The following RGS22 variants were observed in gnomAD, a reference collection of about 807,000 sequenced individuals.
RGS22 encodes regulator of G protein signaling 22, also known as regulator of G-protein signaling 22.
In RGS22, 148 loss-of-function variants were observed where a neutral mutation model predicts 172.9. That is an observed-to-expected ratio of 0.86 (90% CI 0.75 to 0.98). The LOEUF (loss-of-function observed/expected upper bound fraction) is 0.98. RGS22 is among the 50% of genes least tolerant of loss of function. The pLI is 0.00. For missense variants in RGS22, 1,347 were observed against 1,440.8 expected (o/e 0.93, Z 1.05); for synonymous variants, 458 against 480.2 (o/e 0.95, Z 0.60).
intron 14 of RGS22, among the ~76,000 whole-genome samples, chr8:100,028,955 C>A (rs909009483): frequency 2.0e-5 from 3 of 152,136 alleles, no homozygotes; most frequent in Non-Finnish European, 4.4e-5. Flanking sequence ...CATAAGATAG[C>A]AATGCCTGTC....
intron 9 of RGS22, among the ~76,000 whole-genome samples, chr8:100,057,428 G>A (rs541625411): frequency 6.6e-6 from 1 of 152,238 alleles, no homozygotes; most frequent in South Asian, 2.1e-4. Flanking sequence ...AGGGGCCAGG[G>A]GAGGAATGAT....
At position 100,062,483 on chromosome 8, in the gene RGS22, C is replaced by T. The variant is rs899632737; in HGVS notation, c.1514+108G>A. ...TAAAGAAGGCCAAAGATACAATAGT[C>T]TTGTCATTTTATGTTTCCATAAGTT... On this transcript the variant is annotated intron_variant, in intron 9 of 27. Transcript: ENST00000360863. 4.2e-6 allele frequency: 3 copies of T among 712,988 alleles called. No individual in the cohort carries two copies. In the African/African-American group the frequency reaches 5.5e-5, roughly 13 times the overall value. The allele number at this position is 712,988 out of a possible 1,614,324, so 44.2% of individuals were successfully genotyped here.
chr8:100,012,611 A>G (rs1000662379), intron 14 of RGS22, among the ~76,000 whole-genome samples: 3 of 151,964 alleles, frequency 2.0e-5, no homozygotes, highest in Non-Finnish European at 2.9e-5. Flanking sequence ...GAGAGAGAGA[A>G]AGAAAAGAAA....
chr8:100,041,907 G>T lies in RGS22; in HGVS notation c.1833C>A (p.Tyr611Ter), dbSNP rs1281124201. 1 of 1,602,882 alleles carries T rather than the reference G, an allele frequency of 6.2e-7. No individual in the cohort carries two copies. The highest frequency in any genetic ancestry group is 1.1e-5 in the South Asian group (1 of 90,716). ...KDDVIEKGSK[Y>*]MSESSKVIHL... ...GAATGACTTTGCTGCTTTCTGACAT[G>T]TACTTTGACCTAAATTATAAGGATG... Residue 611 changes from tyrosine to a stop codon, truncating the protein, a stop_gained, in exon 12 of 28, where the codon TAC (tyrosine) becomes TAA (stop). Coordinates refer to ENST00000360863, the MANE Select transcript of RGS22 (RefSeq NM_015668.5). LOFTEE classifies it high-confidence loss of function.
chr8:99,965,656 T>C (rs1810654289), intron 23 of RGS22, among the ~76,000 whole-genome samples: 1 of 152,118 alleles, frequency 6.6e-6, no homozygotes, highest in South Asian at 2.1e-4. Flanking sequence ...AGAGAAATGA[T>C]TAAGTTGAAT....
intron 20 of RGS22, among the ~76,000 whole-genome samples, chr8:99,991,884 C>T (rs964412205): frequency 4.6e-5 from 7 of 152,130 alleles, no homozygotes; most frequent in African/African-American, 1.7e-4. Flanking sequence ...GAGTTACCCA[C>T]AAAGGGAGGC....
In RGS22 at chr8:100,053,083, T is replaced by C. The variant is rs78491925; in HGVS notation, c.1515-107A>G. Reference sequence around the variant, plus strand: ...GTGCTCACAATTAACAGTCTTGCCATACCTCTTTTCTAACAACTTTTACTT... The same window carrying C: ...GTGCTCACAATTAACAGTCTTGCCACACCTCTTTTCTAACAACTTTTACTT... On this transcript the variant is annotated intron_variant, in intron 9 of 27. Transcript: ENST00000360863. The C allele has an allele frequency of 1.8e-3, 1,857 of 1,004,652 alleles. 38 individuals are homozygous for C. In the East Asian group the frequency reaches 0.042, roughly 23 times the overall value. 62.2% of individuals were successfully genotyped at this position (1,004,652 alleles called of 1,614,324 possible).
chr8:100,006,236 T>C, intron 15 of RGS22, 127 bp from the exon 16 acceptor site: 3 of 727,010 alleles, frequency 4.1e-6, no homozygotes, highest in Non-Finnish European at 6.6e-6. Context: ...GAAGATAACA[T>C]AGTTTAAAAG....
intron 6 of RGS22, among the ~76,000 whole-genome samples, chr8:100,067,026 T>C (rs1563693675): frequency 6.6e-6 from 1 of 152,188 alleles, no homozygotes; most frequent in Non-Finnish European, 1.5e-5. Flanking sequence ...TGCCTCTCTC[T>C]GTAATGTCCT....
chr8:100,008,519 G>T lies in RGS22; in HGVS notation c.2217C>A (p.Leu739=). 3 of 1,612,660 alleles carry T rather than the reference G, an allele frequency of 1.9e-6. No homozygotes were observed. Among genetic ancestry groups the T allele is most frequent in the Non-Finnish European group, 2.5e-6 (3 of 1,179,706 alleles). Residue 739 remains leucine, a synonymous_variant, in exon 15 of 28, where the codon CTC becomes CTA. Transcript: ENST00000360863. ...VAPSATLDIG[L]QQEKKKEIYM... Reference sequence around the variant, plus strand: ...AAATTTCTTTTTTCTTTTCCTGTTGGAGTCCAATGTCAAGAGTGGCAGAAG... The same window carrying T: ...AAATTTCTTTTTTCTTTTCCTGTTGTAGTCCAATGTCAAGAGTGGCAGAAG...
intron 21 of RGS22, among the ~76,000 whole-genome samples, chr8:99,985,006 A>G (rs1812936184): frequency 6.6e-6 from 1 of 152,100 alleles, no homozygotes; most frequent in Non-Finnish European, 1.5e-5. Context: ...GTTCTTTCCA[A>G]CTTTTCACAA....
chr8:99,999,395 C>G lies in RGS22; in HGVS notation c.2816G>C (p.Gly939Ala). ...NQVMHLSGGW[G>A]KILHEQLDAP... The stretch of plus-strand genomic sequence containing the variant: ...ATCAAGCTGCTCATGAAGAATCTTC[C>G]CCCAGCCACCACTTAAATGCATTAC... The change falls in exon 19 of 28, where the codon GGG (glycine) becomes GCG (alanine). Residue 939 changes from glycine (G) to alanine (A), a missense_variant. Gly to Ala is a moderately conservative substitution (Grantham distance 60, BLOSUM62 0). Coordinates refer to ENST00000360863, the MANE Select transcript of RGS22 (RefSeq NM_015668.5). The G allele has an allele frequency of 6.2e-7, 1 of 1,613,744 alleles. No individual in the cohort carries two copies. The highest frequency in any genetic ancestry group is 1.7e-5 in the Admixed American group (1 of 59,934).
rs552731860 is a variant in RGS22, at chr8:100,047,194, C to CA, written c.1823+268dup. Among the ~76,000 whole-genome samples the CA allele has an allele frequency of 3.6e-4, 54 of 151,782 alleles. 2 individuals are homozygous for CA. In the South Asian group the frequency reaches 0.011, roughly 32 times the overall value. On this transcript the variant is annotated intron_variant, in intron 11 of 27. Transcript: ENST00000360863. ...GAAATATAGAATTATTGAATAGAGC[C>CA]AAAAAAGAATTAGAGGGCAATCTTC...
At chr8:99,975,239 T>G (rs1811806751) in intron 23 of RGS22, among the ~76,000 whole-genome samples, 1 of 152,128 alleles carries the variant, frequency 6.6e-6, no homozygotes, top group Non-Finnish European at 1.5e-5. Context: ...TGGTATTAGA[T>G]TAGAAACTTG....
At chr8:100,011,000 C>T (rs1816320412) in intron 14 of RGS22, among the ~76,000 whole-genome samples, 1 of 151,572 alleles carries the variant, frequency 6.6e-6, no homozygotes, top group Middle Eastern at 3.4e-3. Flanking sequence ...TCAATAATCG[C>T]ACAATAGAGG....
intron 3 of RGS22, among the ~76,000 whole-genome samples, chr8:100,087,932 G>T (rs1237026397): frequency 1.3e-5 from 2 of 152,138 alleles, no homozygotes; most frequent in East Asian, 1.9e-4. Context: ...CTGTATTTTT[G>T]AGCTACAAGT....
At chr8:100,079,189 C>T (rs554351210) in intron 4 of RGS22, among the ~76,000 whole-genome samples, 1 of 152,254 alleles carries the variant, frequency 6.6e-6, no homozygotes, top group East Asian at 1.9e-4. Context: ...TAAACATTGT[C>T]CCACCTAGTA....
chr8:99,984,925 A>G (rs1031086659), intron 21 of RGS22, among the ~76,000 whole-genome samples: 20 of 152,172 alleles, frequency 1.3e-4, no homozygotes, highest in African/African-American at 4.8e-4. Context: ...GAACATTTTT[A>G]ACGGCTAGAG....
chr8:99,981,125 CT>C (rs1361328815), intron 22 of RGS22, among the ~76,000 whole-genome samples: 8 of 152,224 alleles, frequency 5.3e-5, no homozygotes, highest in Non-Finnish European at 8.8e-5. Flanking sequence ...CCTATTACCC[CT>C]ATTATAATTT....
Sources: gnomAD v4.1 joint callset for allele counts (sites outside exome capture counted in the v4.1 genomes callset) on GRCh38, gnomAD v4.1.1 for gene constraint, MANE v1.5 for transcripts, NCBI Gene and HGNC (gene_info 2026-07-23, HGNC 2026-07-21) for gene names.